The following UMODL1 variants were observed in gnomAD, a reference collection of about 807,000 sequenced individuals.
UMODL1 encodes the protein uromodulin like 1.
A neutral mutation model predicts 136.3 loss-of-function variants in UMODL1; 128 were observed. The ratio of observed to expected loss-of-function variants is 0.94; its 90% CI spans 0.81 to 1.09. The LOEUF (loss-of-function observed/expected upper bound fraction) is 1.09. UMODL1 is among the 50% of genes least tolerant of loss of function. The probability of loss-of-function intolerance (pLI) is 0.00; values close to 1 mark genes in which losing one functional copy is unlikely to be tolerated. For missense variants in UMODL1, 1,766 were observed against 1,725.6 expected, an observed-to-expected ratio of 1.02 and a Z score of -0.41; for synonymous variants, 721 against 720.0, an observed-to-expected ratio of 1.00 and a Z score of -0.02.
In UMODL1 at chr21:42,099,289, G is replaced by A. The variant is rs1323000085; in HGVS notation, c.1186+109G>A. On this transcript the variant is annotated intron_variant, in intron 7 of 22. Coordinates refer to ENST00000408910, the MANE Select transcript of UMODL1 (RefSeq NM_001004416.3). This position sits in a 1 kb window ranked among gnomAD's most constrained non-coding sequence, Gnocchi z 4.1. ...TCTTCCTATAACCAGGGCACCAGAAGTCACTGACCGCCCTGCACTTCCTCC... is the reference window on the plus strand; with the variant it reads ...TCTTCCTATAACCAGGGCACCAGAAATCACTGACCGCCCTGCACTTCCTCC... 1 of 1,445,982 alleles carries A rather than the reference G, an allele frequency of 6.9e-7. No homozygotes were observed. The highest frequency in any genetic ancestry group is 9.2e-7 in the Non-Finnish European group (1 of 1,087,450). 89.6% of individuals were successfully genotyped at this position (1,445,982 alleles called of 1,614,324 possible). A position where few individuals can be genotyped will look rare whatever the true frequency, so the allele number is the denominator to read the frequency against.
intron 11 of UMODL1, 192 bp from the exon 12 acceptor site, chr21:42,111,314 T>TCCAGCCAGGGGAGCC (rs760516882): frequency 1.4e-4 from 190 of 1,319,400 alleles, no homozygotes; most frequent in Middle Eastern, 2.4e-4. Context: ...CCACGCGAAC[T>TCCAGCCAGGGGAGCC]CCAGCCAGGG....
At chr21:42,076,306 G>A in intron 2 of UMODL1, 59 bp downstream of exon 2, 1 of 1,602,156 alleles carries the variant, frequency 6.2e-7, no homozygotes. Context: ...ACGCCTGATG[G>A]GACAGTCACC....
At chr21:42,137,357 C>T (rs1416393685) in intron 21 of UMODL1, 82 bp from the exon 22 acceptor site, 1 of 1,537,518 alleles carries the variant, frequency 6.5e-7, no homozygotes, top group Non-Finnish European at 8.9e-7. Context: ...ATCCATCAGC[C>T]CCGGATCCGG....
At chr21:42,121,742 T>A (rs571261996) in intron 16 of UMODL1, among the ~76,000 whole-genome samples, 1 of 152,268 alleles carries the variant, frequency 6.6e-6, no homozygotes, top group East Asian at 1.9e-4. Flanking sequence ...GAGTGTGGTA[T>A]CCGGGGGGCT....
chr21:42,096,530 G>A (rs974988767), intron 6 of UMODL1, among the ~76,000 whole-genome samples: 1 of 152,150 alleles, frequency 6.6e-6, no homozygotes, highest in Non-Finnish European at 1.5e-5. Flanking sequence ...AAATAAGTAC[G>A]GGTGCCCTTT....
chr21:42,106,592 T>C (rs1301125802), intron 9 of UMODL1, among the ~76,000 whole-genome samples: 1 of 152,118 alleles, frequency 6.6e-6, no homozygotes, highest in African/African-American at 2.4e-5. Context: ...CCAGTCACGG[T>C]GGGCTGTGTA....
intron 15 of UMODL1, among the ~76,000 whole-genome samples, chr21:42,120,254 T>C (rs1048371654): frequency 1.3e-5 from 2 of 152,256 alleles, no homozygotes; most frequent in Non-Finnish European, 2.9e-5. Flanking sequence ...GATTTGCTCA[T>C]GCTTCCTGGA....
chr21:42,066,027 GGCGACAGCATTCCT>G (rs1470721598), intron 1 of UMODL1, among the ~76,000 whole-genome samples: 1 of 152,206 alleles, frequency 6.6e-6, no homozygotes, highest in African/African-American at 2.4e-5. Context: ...TTATTGTTAG[GGCGACAGCATTCCT>G]GATCGTGGTG....
intron 5 of UMODL1, among the ~76,000 whole-genome samples, chr21:42,089,641 G>A (rs146395918): frequency 9.8e-5 from 15 of 152,372 alleles, no homozygotes; most frequent in African/African-American, 2.9e-4. Context: ...TGAATTGAAT[G>A]CCATCAGAAA....
intron 20 of UMODL1, 108 bp downstream of exon 20, chr21:42,127,939 C>A (rs530086794): frequency 2.4e-5 from 34 of 1,441,696 alleles, no homozygotes; most frequent in South Asian, 2.3e-4. Context: ...TCGGGGCCAA[C>A]CTCTGGGAGG....
At chr21:42,094,584 TC>T (rs1226940825) in intron 6 of UMODL1, among the ~76,000 whole-genome samples, 9 of 151,996 alleles carry the variant, frequency 5.9e-5, no homozygotes, top group Non-Finnish European at 7.4e-5. Context: ...CTGAAAAGGG[TC>T]CCCATTTAAG....
chr21:42,080,645 C>T (rs116949115), intron 2 of UMODL1, among the ~76,000 whole-genome samples: 1,734 of 152,268 alleles, frequency 0.011, 21 homozygotes, highest in Non-Finnish European at 0.019. Context: ...AATGAACACA[C>T]GAGCCATACA....
intron 10 of UMODL1, among the ~76,000 whole-genome samples, chr21:42,110,029 G>A (rs1274565506): frequency 6.6e-6 from 1 of 152,158 alleles, no homozygotes; most frequent in East Asian, 1.9e-4. Flanking sequence ...AAGTCAGGAT[G>A]CAGCCCGGGG....
upstream of UMODL1, among the ~76,000 whole-genome samples, chr21:42,066,775 G>A (rs949660287): frequency 1.3e-5 from 2 of 152,188 alleles, no homozygotes; most frequent in African/African-American, 4.8e-5. Context: ...ACTAGTTATT[G>A]TTTATGTTGA....
chr21:42,110,174 C>T (rs1287216964), intron 10 of UMODL1, among the ~76,000 whole-genome samples: 1 of 152,172 alleles, frequency 6.6e-6, no homozygotes, highest in Non-Finnish European at 1.5e-5. Flanking sequence ...TATCGGCCCC[C>T]AGTCTTTTCT....
chr21:42,100,576 C>G (rs1475760571), intron 7 of UMODL1, among the ~76,000 whole-genome samples: 1 of 151,984 alleles, frequency 6.6e-6, no homozygotes, highest in African/African-American at 2.4e-5. Flanking sequence ...CAAAGTACAC[C>G]AGGACTGAGG....
At chr21:42,076,361 C>T (rs996852064) in intron 2 of UMODL1, 114 bp downstream of exon 2, 23 of 1,507,130 alleles carry the variant, frequency 1.5e-5, no homozygotes, top group Middle Eastern at 2.2e-4. Context: ...TCCAGGAGCA[C>T]GGCTCCCAGC....
At chr21:42,111,162 GCCCCAGCCAGGTGAA>G (rs781628947) in intron 11 of UMODL1, 41 bp downstream of exon 11, 532 of 1,584,864 alleles carry the variant, frequency 3.4e-4, no homozygotes, top group Non-Finnish European at 1.5e-4. Context: ...GACCAGGGGA[GCCCCAGCCAGGTGAA>G]CCCCAGCCAG....
intron 8 of UMODL1, 79 bp from the exon 9 acceptor site, chr21:42,103,789 T>C: frequency 3.3e-6 from 5 of 1,522,892 alleles, no homozygotes; most frequent in Non-Finnish European, 4.6e-6. Flanking sequence ...CCAAGCACCA[T>C]CCATCGGTCA....
Sources: gnomAD v4.1 joint callset for allele counts (sites outside exome capture counted in the v4.1 genomes callset) on GRCh38, gnomAD v4.1.1 for gene constraint, Gnocchi (gnomAD v3.1) non-coding constraint, MANE v1.5 for transcripts, NCBI Gene and HGNC (gene_info 2026-07-23, HGNC 2026-07-21) for gene names.